The following ZFAND3 variants were observed in gnomAD, a reference collection of about 807,000 sequenced individuals.
ZFAND3 encodes zinc finger AN1-type containing 3.
A neutral mutation model predicts 29.6 loss-of-function variants in ZFAND3; 10 were observed. The observed-to-expected ratio is 0.34, with a 90% CI of 0.21 to 0.57. The LOEUF is 0.57. ZFAND3 is among the 20% of genes least tolerant of loss of function. The pLI is 0.86. For synonymous variants in ZFAND3, 128 were observed against 112.6 expected (o/e 1.14, Z -0.87); for missense variants, 230 against 304.5 (o/e 0.76, Z 1.82).
chr6:38,131,255 G>C (rs1765735850), intron 5 of ZFAND3, among the ~76,000 whole-genome samples: 1 of 152,048 alleles, frequency 6.6e-6, no homozygotes, highest in Admixed American at 6.5e-5. Context: ...AAAAAAAACA[G>C]CTTTTTGTTT....
At chr6:38,101,136 C>A (rs1765084860) in intron 4 of ZFAND3, among the ~76,000 whole-genome samples, 1 of 152,188 alleles carries the variant, frequency 6.6e-6, no homozygotes, top group African/African-American at 2.4e-5. Context: ...TAGATAGTTG[C>A]TCCTCTCATG....
chr6:37,824,325 G>A, intron 1 of ZFAND3, among the ~76,000 whole-genome samples: 1 of 152,182 alleles, frequency 6.6e-6, no homozygotes, highest in East Asian at 1.9e-4. Flanking sequence ...ATTAGTTGAA[G>A]CTGTATTTTA....
chr6:37,966,640 GAGA>G (rs1480777831), intron 2 of ZFAND3, among the ~76,000 whole-genome samples: 2 of 151,968 alleles, frequency 1.3e-5, no homozygotes, highest in African/African-American at 2.4e-5. Context: ...GGAACCATTT[GAGA>G]AGAAGTTGCC....
At chr6:37,976,441 G>C (rs1230978037) in intron 2 of ZFAND3, among the ~76,000 whole-genome samples, 1 of 151,858 alleles carries the variant, frequency 6.6e-6, no homozygotes, top group East Asian at 1.9e-4. Flanking sequence ...AAAATTATCT[G>C]GGAATGGTGG....
chr6:38,039,916 C>T (rs546927695), intron 2 of ZFAND3, among the ~76,000 whole-genome samples: 11 of 152,028 alleles, frequency 7.2e-5, no homozygotes, highest in Non-Finnish European at 1.6e-4. Context: ...AAAATACATG[C>T]TTACTGTGAA....
rs1040943130 is a variant in ZFAND3, at chr6:38,094,152, T to A, written c.361+11695T>A. Among the ~76,000 whole-genome samples the A allele has an allele frequency of 5.9e-5, 9 of 152,106 alleles. No homozygotes were observed. In the East Asian group the frequency reaches 1.5e-3, roughly 26 times the overall value. ...GCCGTGTTCTGATTAAAGGAAAAAA[T>A]AATACCATAAGTTGTAAGTAGCAGC... On this transcript the variant is annotated intron_variant, in intron 4 of 5. Transcript: ENST00000287218.
chr6:38,072,426 C>T (rs1325828402), intron 3 of ZFAND3, among the ~76,000 whole-genome samples: 4 of 152,172 alleles, frequency 2.6e-5, no homozygotes, highest in Non-Finnish European at 5.9e-5. Context: ...AACATCATCA[C>T]TGTCCCCCCT....
intron 2 of ZFAND3, among the ~76,000 whole-genome samples, chr6:37,934,993 G>A (rs929348807): frequency 3.3e-5 from 5 of 151,526 alleles, no homozygotes; most frequent in African/African-American, 1.2e-4. Flanking sequence ...TTACAATTCA[G>A]TACATTTGTT....
chr6:38,148,634 A>G (rs1227147183), intron 5 of ZFAND3, among the ~76,000 whole-genome samples: 1 of 152,198 alleles, frequency 6.6e-6, no homozygotes, highest in Non-Finnish European at 1.5e-5. Flanking sequence ...TCAGAGAGCA[A>G]CCCAAGGTTC....
intron 2 of ZFAND3, among the ~76,000 whole-genome samples, chr6:37,946,134 G>A (rs1219025587): frequency 2.0e-5 from 3 of 152,158 alleles, no homozygotes; most frequent in African/African-American, 7.2e-5. Flanking sequence ...CAGAGTGAGA[G>A]AATAATGGGG....
At chr6:37,844,075 G>GCTTTTTTT (rs979419346) in intron 1 of ZFAND3, among the ~76,000 whole-genome samples, 1 of 151,778 alleles carries the variant, frequency 6.6e-6, no homozygotes, top group African/African-American at 2.4e-5. Flanking sequence ...ACCACGCCTG[G>GCTTTTTTT]CTTTTTTTCT....
intron 2 of ZFAND3, among the ~76,000 whole-genome samples, chr6:38,032,056 C>T (rs1005068898): frequency 1.3e-5 from 2 of 152,048 alleles, no homozygotes; most frequent in Non-Finnish European, 2.9e-5. Context: ...TGGTCTCTAA[C>T]TCCTGTGCTC....
chr6:38,025,520 C>CT (rs34656488), intron 2 of ZFAND3, among the ~76,000 whole-genome samples: 89 of 150,948 alleles, frequency 5.9e-4, no homozygotes, highest in Non-Finnish European at 8.3e-4. Flanking sequence ...TTGTGAACTC[C>CT]TTTTTTTTTG....
intron 1 of ZFAND3, among the ~76,000 whole-genome samples, chr6:37,876,996 A>G (rs1477238220): frequency 6.6e-6 from 1 of 152,206 alleles, no homozygotes; most frequent in Non-Finnish European, 1.5e-5. Context: ...CATTTCCTTG[A>G]GTGACACACA....
intron 2 of ZFAND3, among the ~76,000 whole-genome samples, chr6:37,992,840 A>T (rs1475890552): frequency 1.3e-5 from 2 of 150,070 alleles, no homozygotes; most frequent in Admixed American, 6.7e-5. Context: ...TTTTCCTGTC[A>T]TTTTTTTTTG....
At chr6:37,854,166 G>T (rs1223126379) in intron 1 of ZFAND3, among the ~76,000 whole-genome samples, 2 of 152,016 alleles carry the variant, frequency 1.3e-5, no homozygotes, top group African/African-American at 4.8e-5. Context: ...GGTCAGGCTG[G>T]TCTCGAACTC....
At chr6:37,926,453 A>G (rs1761486439) in intron 1 of ZFAND3, among the ~76,000 whole-genome samples, 1 of 152,100 alleles carries the variant, frequency 6.6e-6, no homozygotes, top group Non-Finnish European at 1.5e-5. Flanking sequence ...CTCCATCTTC[A>G]TGTGGCTGTT....
intron 1 of ZFAND3, among the ~76,000 whole-genome samples, chr6:37,831,152 G>A (rs1477125693): frequency 2.0e-5 from 3 of 152,182 alleles, no homozygotes; most frequent in Non-Finnish European, 2.9e-5. Flanking sequence ...CTTAGAGTTG[G>A]CTTTGAGATT....
chr6:38,085,918 T>C (rs1183029081), intron 4 of ZFAND3, among the ~76,000 whole-genome samples: 3 of 152,316 alleles, frequency 2.0e-5, no homozygotes, highest in Admixed American at 6.5e-5. Flanking sequence ...CCCATTATTA[T>C]GTGGTTTAGT....
Sources: gnomAD v4.1 joint callset for allele counts (sites outside exome capture counted in the v4.1 genomes callset) on GRCh38, gnomAD v4.1.1 for gene constraint, MANE v1.5 for transcripts, NCBI Gene and HGNC (gene_info 2026-07-23, HGNC 2026-07-21) for gene names.